SUMF1: variants seen among roughly 807,000 people sequenced by gnomAD.
The protein encoded by SUMF1 is formylglycine-generating enzyme.
Under a neutral mutation model 47.6 loss-of-function variants are expected in SUMF1, and 48 were observed. That is an observed-to-expected ratio of 1.01 (90% confidence interval 0.80 to 1.28). The LOEUF (loss-of-function observed/expected upper bound fraction) is 1.28, where lower values mean the gene tolerates loss of function less well. Ranked by LOEUF, SUMF1 falls within the 50% of genes most tolerant of loss-of-function variation. SUMF1 has a pLI of 0.00. For synonymous variants in SUMF1, 230 were observed against 192.1 expected (o/e 1.20, Z -1.63); for missense variants, 571 against 485.4 (o/e 1.18, Z -1.66).
chr3:4,141,261 T>C (rs1694064638), intron 8 of SUMF1, among the ~76,000 whole-genome samples: 1 of 152,126 alleles, frequency 6.6e-6, no homozygotes, highest in African/African-American at 2.4e-5. Flanking sequence ...ACGGAGGTAA[T>C]CATCAATAAG....
At chr3:4,316,495 A>G (rs1330837829) in intron 8 of SUMF1, 6 of 1,600,768 alleles carry the variant, frequency 3.7e-6, no homozygotes, top group Middle Eastern at 3.3e-4. Context: ...GTTGCTGAAG[A>G]ACTCAATGTC....
At chr3:4,384,444 C>T (rs901004772) in intron 7 of SUMF1, among the ~76,000 whole-genome samples, 4 of 152,184 alleles carry the variant, frequency 2.6e-5, no homozygotes, top group African/African-American at 4.8e-5. Context: ...GGATCCCTTA[C>T]GTTGCCCTTT....
At chr3:4,444,258 T>G (rs1702703989) in intron 3 of SUMF1, among the ~76,000 whole-genome samples, 1 of 152,190 alleles carries the variant, frequency 6.6e-6, no homozygotes, top group Admixed American at 6.5e-5. Flanking sequence ...AACAAACTGT[T>G]ATCAACGGGC....
chr3:4,412,099 T>C (rs904465002), intron 6 of SUMF1, among the ~76,000 whole-genome samples: 1 of 152,242 alleles, frequency 6.6e-6, no homozygotes, highest in Non-Finnish European at 1.5e-5. Flanking sequence ...CTGAAAATTC[T>C]CACCACACTG....
intron 8 of SUMF1, among the ~76,000 whole-genome samples, chr3:4,236,503 C>T (rs1203405613): frequency 6.6e-6 from 1 of 152,082 alleles, no homozygotes; most frequent in Non-Finnish European, 1.5e-5. Context: ...CCTATAGTCC[C>T]AGCTACTCAG....
At chr3:4,066,007 A>G (rs1238578723) in intron 9 of SUMF1, among the ~76,000 whole-genome samples, 1 of 152,026 alleles carries the variant, frequency 6.6e-6, no homozygotes, top group Non-Finnish European at 1.5e-5. Context: ...TCCATTGTCT[A>G]AACACAATTG....
At chr3:4,070,729 G>C (rs1190882713) in intron 8 of SUMF1, among the ~76,000 whole-genome samples, 1 of 151,946 alleles carries the variant, frequency 6.6e-6, no homozygotes, top group Non-Finnish European at 1.5e-5. Flanking sequence ...TCCACCTCCT[G>C]GGTTCAGGCC....
chr3:4,356,361 G>C (rs982854253), downstream of SUMF1, among the ~76,000 whole-genome samples: 1 of 152,272 alleles, frequency 6.6e-6, no homozygotes, highest in Admixed American at 6.5e-5. Flanking sequence ...TAATGAAAAT[G>C]GGCTGCCAGT....
At chr3:4,330,861 G>T (rs1236630578) in intron 8 of SUMF1, among the ~76,000 whole-genome samples, 3 of 152,094 alleles carry the variant, frequency 2.0e-5, no homozygotes, top group Non-Finnish European at 2.9e-5. Flanking sequence ...ATCTCAATCA[G>T]TTTGATCACA....
intron 6 of SUMF1, among the ~76,000 whole-genome samples, chr3:4,411,736 A>T (rs368433494): frequency 4.6e-5 from 7 of 151,986 alleles, no homozygotes; most frequent in South Asian, 2.1e-4. Context: ...TTAACTGAAC[A>T]ATAATAAATG....
intron 8 of SUMF1, among the ~76,000 whole-genome samples, chr3:4,157,400 G>T (rs1477140463): frequency 1.3e-5 from 2 of 151,512 alleles, no homozygotes; most frequent in African/African-American, 4.9e-5. Flanking sequence ...AGTTTATGAT[G>T]GAATATTTAT....
chr3:4,259,055 T>C (rs1050330635), intron 8 of SUMF1, among the ~76,000 whole-genome samples: 18 of 147,016 alleles, frequency 1.2e-4, no homozygotes, highest in Admixed American at 3.5e-4. Flanking sequence ...TAGGTGGGAA[T>C]TGAACAATGA....
chr3:4,211,556 G>C (rs1349592772), intron 8 of SUMF1, among the ~76,000 whole-genome samples: 1 of 151,938 alleles, frequency 6.6e-6, no homozygotes, highest in Non-Finnish European at 1.5e-5. Flanking sequence ...CTTGAGGTAA[G>C]GAAGATTACT....
At chr3:4,128,003 C>T (rs1693695108) in intron 8 of SUMF1, among the ~76,000 whole-genome samples, 1 of 151,952 alleles carries the variant, frequency 6.6e-6, no homozygotes, top group Admixed American at 6.6e-5. Flanking sequence ...TACCTTTGAC[C>T]ATACGTGGAG....
chr3:4,177,029 A>G (rs962627753), intron 8 of SUMF1, among the ~76,000 whole-genome samples: 15 of 152,184 alleles, frequency 9.9e-5, no homozygotes, highest in African/African-American at 3.4e-4. Context: ...GAGCATCCAT[A>G]TTCATAAAGC....
At chr3:4,158,095 G>A (rs966657846) in intron 8 of SUMF1, among the ~76,000 whole-genome samples, 1 of 151,592 alleles carries the variant, frequency 6.6e-6, no homozygotes, top group South Asian at 2.1e-4. Context: ...TGTGCCAGGT[G>A]TTGTACTTGG....
intron 9 of SUMF1, among the ~76,000 whole-genome samples, chr3:4,064,528 C>G (rs1559438063): frequency 6.6e-6 from 1 of 152,116 alleles, no homozygotes; most frequent in African/African-American, 2.4e-5. Flanking sequence ...CATACTCTGC[C>G]TATGGAGTAG....
At chr3:4,303,362 G>C in intron 8 of SUMF1, 1 of 1,541,992 alleles carries the variant, frequency 6.5e-7, no homozygotes, top group East Asian at 2.7e-5. Context: ...CGTTGCGTGA[G>C]GCGGGTAAAT....
chr3:4,336,491 T>C (rs1029765912), intron 8 of SUMF1, among the ~76,000 whole-genome samples: 3 of 152,214 alleles, frequency 2.0e-5, no homozygotes, highest in Admixed American at 2.0e-4. Context: ...GTTATCTATT[T>C]GGGTACAAAA....
Sources: allele counts gnomAD v4.1 joint callset (sites outside exome capture counted in the v4.1 genomes callset), GRCh38; gene constraint gnomAD v4.1.1; transcripts MANE v1.5; gene names NCBI Gene and HGNC (gene_info 2026-07-23, HGNC 2026-07-21).